CD247: variants seen among roughly 807,000 people sequenced by gnomAD.
CD247 encodes the protein T-cell surface glycoprotein CD3 zeta chain.
In CD247, 13 loss-of-function variants were observed where a neutral mutation model predicts 30.0. The ratio of observed to expected loss-of-function variants is 0.43; its 90% CI spans 0.28 to 0.69. The LOEUF (loss-of-function observed/expected upper bound fraction) is 0.69. CD247 is among the 30% of genes least tolerant of loss of function. CD247 has a pLI of 0.16. For synonymous variants in CD247, 72 were observed against 80.0 expected (o/e 0.90, Z 0.53); for missense variants, 193 against 212.6 (o/e 0.91, Z 0.57).
rs543984565 is a variant in CD247, at chr1:167,460,664, T to C, written c.59-19897A>G. Among the ~76,000 whole-genome samples the C allele has an allele frequency of 4.9e-4, 74 of 152,334 alleles. No homozygotes were observed. In the South Asian group the frequency reaches 5.0e-3, roughly 10 times the overall value. Reference sequence around the variant, plus strand: ...TGCAGGTTTGTTACATAGGTATACATGTGCCATGTTGGTTTGCTGCACCTA... The same window carrying C: ...TGCAGGTTTGTTACATAGGTATACACGTGCCATGTTGGTTTGCTGCACCTA... On this transcript the variant is annotated intron_variant, in intron 1 of 7. Transcript: ENST00000362089.
intron 1 of CD247, among the ~76,000 whole-genome samples, chr1:167,476,789 C>T (rs948846122): frequency 2.0e-5 from 3 of 152,122 alleles, no homozygotes; most frequent in South Asian, 2.1e-4. Context: ...AAGAGTGAGA[C>T]TGTGTCTCAA....
chr1:167,518,525 C>A lies in CD247; in HGVS notation c.-60G>T. On this transcript the variant is annotated 5_prime_UTR_variant, in exon 1 of 8. Coordinates refer to ENST00000362089, the MANE Select transcript of CD247 (RefSeq NM_198053.3). ...GAGGCTGAGGCAGCGGTGGCCGGGA[C>A]GGTTAGGAGAAAAGGAGTCTCTGCT... 6.8e-7 allele frequency: 1 copy of A among 1,467,720 alleles called. No individual in the cohort carries two copies. The highest frequency in any genetic ancestry group is 1.1e-5 in the South Asian group (1 of 88,138). 90.9% of individuals were successfully genotyped at this position (1,467,720 alleles called of 1,614,324 possible).
chr1:167,502,561 G>A lies in CD247; in HGVS notation c.58+15847C>T, dbSNP rs551127269. On this transcript the variant is annotated intron_variant, in intron 1 of 7. Transcript: ENST00000362089. ...TGAGAGATGATTCCAGAAACCGTTGGTAGGTGTTATGGGTTGAACTGTGTC... is the reference window on the plus strand; with the variant it reads ...TGAGAGATGATTCCAGAAACCGTTGATAGGTGTTATGGGTTGAACTGTGTC... 1.4e-4 allele frequency among the ~76,000 whole-genome samples: 22 copies of A among 152,260 alleles called. No individual in the cohort carries two copies. In the South Asian group the frequency reaches 4.2e-3, roughly 29 times the overall value.
At chr1:167,501,633 G>A (rs557739080) in intron 1 of CD247, among the ~76,000 whole-genome samples, 169 of 152,338 alleles carry the variant, frequency 1.1e-3, no homozygotes, top group Non-Finnish European at 1.9e-3. Context: ...CAAGGAGAAC[G>A]TATTTGCAGC....
intron 4 of CD247, among the ~76,000 whole-genome samples, chr1:167,436,844 G>T (rs1014863105): frequency 2.6e-5 from 4 of 151,942 alleles, no homozygotes; most frequent in South Asian, 2.1e-4. Context: ...TGGCAAGGAT[G>T]GAGAGAAAAG....
intron 1 of CD247, among the ~76,000 whole-genome samples, chr1:167,517,084 A>C (rs1227991321): frequency 1.3e-5 from 2 of 152,172 alleles, no homozygotes; most frequent in African/African-American, 4.8e-5. Context: ...CCTTGTCCCC[A>C]GCACACAAGG....
intron 1 of CD247, among the ~76,000 whole-genome samples, chr1:167,471,009 C>T (rs988984212): frequency 1.3e-5 from 2 of 151,796 alleles, no homozygotes; most frequent in African/African-American, 2.4e-5. Flanking sequence ...GTAGCTGGGA[C>T]TACAGGCGCC....
At chr1:167,447,981 C>T (rs1312099742) in intron 1 of CD247, among the ~76,000 whole-genome samples, 4 of 148,170 alleles carry the variant, frequency 2.7e-5, no homozygotes, top group Non-Finnish European at 6.0e-5. Context: ...GGGGTGGGGG[C>T]GGTGTCTGTG....
intron 1 of CD247, among the ~76,000 whole-genome samples, chr1:167,509,428 A>G (rs1488466889): frequency 6.6e-6 from 1 of 151,654 alleles, no homozygotes; most frequent in Non-Finnish European, 1.5e-5. Flanking sequence ...GGTTATCTTG[A>G]TGGGCAAAGT....
intron 1 of CD247, among the ~76,000 whole-genome samples, chr1:167,504,382 C>T (rs986629006): frequency 1.6e-4 from 24 of 152,238 alleles, no homozygotes; most frequent in African/African-American, 5.8e-4. Context: ...GACATACAAT[C>T]GCTTGCTCAG....
At chr1:167,492,868 T>C (rs1015433759) in intron 1 of CD247, among the ~76,000 whole-genome samples, 2 of 152,048 alleles carry the variant, frequency 1.3e-5, no homozygotes, top group Non-Finnish European at 2.9e-5. Context: ...GGAGCTATCA[T>C]GGCGTCTGCT....
chr1:167,456,881 C>T (rs909026617), intron 1 of CD247, among the ~76,000 whole-genome samples: 1 of 152,226 alleles, frequency 6.6e-6, no homozygotes, highest in Non-Finnish European at 1.5e-5. Context: ...GTTCATTCCT[C>T]AAACTTTGTC....
chr1:167,460,557 A>G (rs1433783150), intron 1 of CD247, among the ~76,000 whole-genome samples: 1 of 152,134 alleles, frequency 6.6e-6, no homozygotes, highest in Non-Finnish European at 1.5e-5. Context: ...CCCATGCCCC[A>G]CTACTAACTA....
intron 1 of CD247, among the ~76,000 whole-genome samples, chr1:167,465,577 T>A (rs904554066): frequency 2.0e-5 from 3 of 152,152 alleles, no homozygotes; most frequent in African/African-American, 7.2e-5. Flanking sequence ...GTGATCCATC[T>A]GCCTAGGCCT....
At chr1:167,488,421 C>A (rs1314457696) in intron 1 of CD247, among the ~76,000 whole-genome samples, 1 of 152,128 alleles carries the variant, frequency 6.6e-6, no homozygotes, top group African/African-American at 2.4e-5. Flanking sequence ...GCATTTATGC[C>A]AAGGAGCAGA....
rs35068400 is a variant in CD247, at chr1:167,484,751, C to A, written c.58+33657G>T. Reference sequence around the variant, plus strand: ...GAGATCGCGCCACCGCAGTCCAGCCCGGCGACAGAGCGAGACTCTGTCTCA... The same window carrying A: ...GAGATCGCGCCACCGCAGTCCAGCCAGGCGACAGAGCGAGACTCTGTCTCA... On this transcript the variant is annotated intron_variant, in intron 1 of 7. Coordinates refer to ENST00000362089, the MANE Select transcript of CD247 (RefSeq NM_198053.3). Among the ~76,000 whole-genome samples the A allele has an allele frequency of 2.5e-3, 385 of 152,158 alleles. 1 individual carries two copies. Among genetic ancestry groups the A allele is most frequent in the Non-Finnish European group, 3.7e-3 (253 of 68,034 alleles).
chr1:167,476,985 T>C (rs534230960), intron 1 of CD247, among the ~76,000 whole-genome samples: 2 of 152,306 alleles, frequency 1.3e-5, no homozygotes, highest in South Asian at 4.1e-4. Flanking sequence ...AGTGCCAAAT[T>C]TGTAGTATTT....
At chr1:167,463,126 T>C (rs1653095548) in intron 1 of CD247, among the ~76,000 whole-genome samples, 1 of 152,176 alleles carries the variant, frequency 6.6e-6, no homozygotes, top group East Asian at 1.9e-4. Context: ...GTGGCTTTTC[T>C]GCGTTGCCAC....
chr1:167,483,986 C>T (rs1423816569), intron 1 of CD247, among the ~76,000 whole-genome samples: 1 of 152,246 alleles, frequency 6.6e-6, no homozygotes, highest in Non-Finnish European at 1.5e-5. Flanking sequence ...AGACTGCCCA[C>T]AGCAAGTGTC....
Sources: gnomAD v4.1 joint callset for allele counts (sites outside exome capture counted in the v4.1 genomes callset) on GRCh38, gnomAD v4.1.1 for gene constraint, MANE v1.5 for transcripts, NCBI Gene and HGNC (gene_info 2026-07-23, HGNC 2026-07-21) for gene names.